The following LNPEP variants were observed in gnomAD, a reference collection of about 807,000 sequenced individuals.
LNPEP encodes the protein leucyl-cystinyl aminopeptidase.
In LNPEP, 64 loss-of-function variants were observed where a neutral mutation model predicts 120.6. The observed-to-expected ratio is 0.53, with a 90% CI of 0.43 to 0.65. The LOEUF is 0.65. Ranked by LOEUF, LNPEP falls within the 30% of genes least tolerant of loss-of-function variation. The probability of loss-of-function intolerance (pLI) is 0.00; values close to 1 mark genes in which losing one functional copy is unlikely to be tolerated. For missense variants in LNPEP, 1,057 were observed against 1,200.0 expected, an observed-to-expected ratio of 0.88 and a Z score of 1.76; for synonymous variants, 435 against 425.4, an observed-to-expected ratio of 1.02 and a Z score of -0.28.
At chr5:96,942,639 C>T (rs1220450466) in intron 1 of LNPEP, among the ~76,000 whole-genome samples, 4 of 126,922 alleles carry the variant, frequency 3.2e-5, no homozygotes, top group South Asian at 2.6e-4. Flanking sequence ...GGTGACAGAG[C>T]GAGACTCCAT....
At position 97,003,603 on chromosome 5, in the gene LNPEP, A is replaced by G. The variant is rs1029800075; in HGVS notation, c.1785+57A>G. On this transcript the variant is annotated intron_variant, in intron 9 of 17. Transcript: ENST00000231368. The stretch of plus-strand genomic sequence containing the variant: ...ACTGTAAAAAGAGAGGAGTTCGTCT[A>G]TTTATACTTTTTAGCATGTGTGTAA... 1.1e-5 allele frequency: 14 copies of G among 1,287,318 alleles called. 1 individual carries two copies. The South Asian group carries it at 1.4e-4, about 13-fold the overall frequency. 79.7% of individuals were successfully genotyped at this position (1,287,318 alleles called of 1,614,324 possible). A position where few individuals can be genotyped will look rare whatever the true frequency, so the allele number is the denominator to read the frequency against.
At position 96,998,144 on chromosome 5, in the gene LNPEP, A is replaced by G; in HGVS notation, c.1652A>G (p.Lys551Arg). 6.3e-7 allele frequency: 1 copy of G among 1,596,958 alleles called. No homozygotes were observed. The highest frequency in any genetic ancestry group is 8.5e-7 in the Non-Finnish European group (1 of 1,173,528). The change falls in exon 8 of 18, where the codon AAG becomes AGG. Residue 551 changes from lysine to arginine, a missense_variant and splice_region_variant. Coordinates refer to ENST00000231368, the MANE Select transcript of LNPEP (RefSeq NM_005575.3). ...EEMFDSLSYF[K>R]GSSLLLMLKT... ...ATGTTTGATTCTCTTTCCTATTTTA[A>G]GGTATTGCTGTGAACAAAAAGGTAG...
intron 1 of LNPEP, among the ~76,000 whole-genome samples, chr5:96,951,118 G>T (rs2112567004): frequency 6.6e-6 from 1 of 152,262 alleles, no homozygotes; most frequent in South Asian, 2.1e-4. Flanking sequence ...GAGAGAGCGA[G>T]CTTTGCTGTT....
At chr5:97,021,933 T>G (rs865910015) in intron 13 of LNPEP, among the ~76,000 whole-genome samples, 4,898 of 134,778 alleles carry the variant, frequency 0.036, 136 homozygotes, top group Middle Eastern at 0.092. Flanking sequence ...GTTTTTTTTT[T>G]TTTTTTTTTT....
chr5:97,018,093 A>G (rs1791107823), intron 13 of LNPEP, among the ~76,000 whole-genome samples: 1 of 152,168 alleles, frequency 6.6e-6, no homozygotes, highest in African/African-American at 2.4e-5. Context: ...AAATGAGGTC[A>G]TATTCATAGG....
intron 14 of LNPEP, among the ~76,000 whole-genome samples, chr5:97,023,579 A>AAT (rs923453427): frequency 6.6e-6 from 1 of 152,144 alleles, no homozygotes; most frequent in African/African-American, 2.4e-5. Context: ...TTAAAGGCTG[A>AAT]ATAATTTTCC....
chr5:96,998,435 A>G (rs1790570142), intron 8 of LNPEP, among the ~76,000 whole-genome samples: 1 of 152,164 alleles, frequency 6.6e-6, no homozygotes, highest in Non-Finnish European at 1.5e-5. Flanking sequence ...TACAGGTAGA[A>G]TATGTTCAGA....
At chr5:97,013,063 C>A (rs1391132450) in intron 11 of LNPEP, among the ~76,000 whole-genome samples, 1 of 152,148 alleles carries the variant, frequency 6.6e-6, no homozygotes, top group African/African-American at 2.4e-5. Context: ...TACACCTTTA[C>A]TTTCTCCCTC....
chr5:97,034,968 TAC>T lies in LNPEP; in HGVS notation c.*6443_*6444del, dbSNP rs932742460. The T allele has an allele frequency of 1.3e-5, 2 of 152,220 alleles. No homozygotes were observed. Among genetic ancestry groups the T allele is most frequent in the South Asian group, 4.1e-4 (2 of 4,820 alleles). 9.4% of individuals were successfully genotyped at this position (152,220 alleles called of 1,614,324 possible). A position where few individuals can be genotyped will look rare whatever the true frequency, so the allele number is the denominator to read the frequency against. On this transcript the variant is annotated 3_prime_UTR_variant, in exon 18 of 18. Coordinates refer to ENST00000231368, the MANE Select transcript of LNPEP (RefSeq NM_005575.3). ...CAAGAACACACATATTTATATACTA[TAC>T]ACACACATTTTAATGTATATAAATA...
intron 15 of LNPEP, 22 bp from the exon 16 acceptor site, chr5:97,026,595 C>A: frequency 3.1e-6 from 5 of 1,596,598 alleles, no homozygotes; most frequent in Non-Finnish European, 4.3e-6. Flanking sequence ...ATTTTGGAGG[C>A]TAAATCTGCT....
At position 97,033,183 on chromosome 5, in the gene LNPEP, A is replaced by G. The variant is rs1490133299; in HGVS notation, c.*4650A>G. Reference sequence around the variant, plus strand: ...TCCTTCTCATGGATGTGAAAGTACCAATGAAATGTGGAGATCTCGATGTAT... The same window carrying G: ...TCCTTCTCATGGATGTGAAAGTACCGATGAAATGTGGAGATCTCGATGTAT... On this transcript the variant is annotated 3_prime_UTR_variant, in exon 18 of 18. Transcript: ENST00000231368. 6.6e-6 allele frequency: 1 copy of G among 152,140 alleles called. No individual in the cohort carries two copies. Among genetic ancestry groups the G allele is most frequent in the African/African-American group, 2.4e-5 (1 of 41,408 alleles). 9.4% of individuals were successfully genotyped at this position (152,140 alleles called of 1,614,324 possible).
chr5:96,999,626 T>C (rs1405236638), intron 8 of LNPEP, among the ~76,000 whole-genome samples: 1 of 152,132 alleles, frequency 6.6e-6, no homozygotes, highest in Non-Finnish European at 1.5e-5. Context: ...TTTGAAAACC[T>C]GCTTAAAATG....
chr5:97,024,160 A>G (rs1183858764), intron 14 of LNPEP, among the ~76,000 whole-genome samples: 1 of 152,174 alleles, frequency 6.6e-6, no homozygotes, highest in Non-Finnish European at 1.5e-5. Context: ...CTATAGTTCT[A>G]CCATGAAACT....
At chr5:96,995,149 C>T (rs1263322906) in intron 6 of LNPEP, among the ~76,000 whole-genome samples, 1 of 152,116 alleles carries the variant, frequency 6.6e-6, no homozygotes, top group Non-Finnish European at 1.5e-5. Flanking sequence ...TTTGGGGGAT[C>T]TCCTCTAGGT....
chr5:96,967,717 C>G (rs1160228130), intron 1 of LNPEP, among the ~76,000 whole-genome samples: 1 of 152,082 alleles, frequency 6.6e-6, no homozygotes, highest in African/African-American at 2.4e-5. Context: ...CTCCAGTAAA[C>G]CTGGATTCAG....
At position 96,955,689 on chromosome 5, in the gene LNPEP, A is replaced by G. The variant is rs117418008; in HGVS notation, c.19+19515A>G. Among the ~76,000 whole-genome samples, 1,392 of 152,328 alleles carry G rather than the reference A, an allele frequency of 9.1e-3. 30 individuals carry two copies. Among genetic ancestry groups the G allele is most frequent in the East Asian group, 0.067 (347 of 5,192 alleles). ...GATCTACCATAATTGTTTATTCACT[A>G]ATTCACCAATTGATGGACATTTGTT... On this transcript the variant is annotated intron_variant, in intron 1 of 17. Transcript: ENST00000231368.
chr5:96,947,293 T>TG (rs1345899575), intron 1 of LNPEP, among the ~76,000 whole-genome samples: 1 of 152,156 alleles, frequency 6.6e-6, no homozygotes, highest in African/African-American at 2.4e-5. Flanking sequence ...TTAATTTGAT[T>TG]GGGGGGACAA....
chr5:96,960,543 T>G (rs1019631446), intron 1 of LNPEP, among the ~76,000 whole-genome samples: 13 of 152,220 alleles, frequency 8.5e-5, no homozygotes, highest in African/African-American at 3.1e-4. Context: ...CTCTACCTTT[T>G]CAGCCAGGAT....
At chr5:96,974,491 C>T (rs1429515401) in intron 1 of LNPEP, among the ~76,000 whole-genome samples, 1 of 152,108 alleles carries the variant, frequency 6.6e-6, no homozygotes, top group Non-Finnish European at 1.5e-5. Context: ...TCTTTCTTTA[C>T]TGTTCCTTTC....
Sources: allele counts gnomAD v4.1 joint callset (sites outside exome capture counted in the v4.1 genomes callset), GRCh38; gene constraint gnomAD v4.1.1; transcripts MANE v1.5; gene names NCBI Gene and HGNC (gene_info 2026-07-23, HGNC 2026-07-21).